The following LMOD2 variants were observed in gnomAD, a reference collection of about 807,000 sequenced individuals.
LMOD2 encodes leiomodin 2, also known as leiomodin-2.
LMOD2 carries 27 observed loss-of-function variants against 41.7 expected under a neutral mutation model. The observed-to-expected ratio is 0.65, with a 90% CI of 0.48 to 0.89. The LOEUF is 0.89. Ranked by LOEUF, LMOD2 falls within the 40% of genes least tolerant of loss-of-function variation. LMOD2 has a pLI of 0.00. For missense variants in LMOD2, 624 were observed against 667.9 expected (o/e 0.93, Z 0.72); for synonymous variants, 251 against 244.6 (o/e 1.03, Z -0.25).
chr7:123,663,242 G>A (rs779017277), intron 2 of LMOD2, 39 bp downstream of exon 2: 2 of 1,534,122 alleles, frequency 1.3e-6, no homozygotes, highest in South Asian at 2.5e-5. Flanking sequence ...CACAGATAAA[G>A]TAAATGAGTT....
chr7:123,663,180 A>T lies in LMOD2; in HGVS notation c.1594A>T (p.Ser532Cys). 1 of 1,569,552 alleles carries T rather than the reference A, an allele frequency of 6.4e-7. No individual in the cohort carries two copies. The highest frequency in any genetic ancestry group is 8.6e-7 in the Non-Finnish European group (1 of 1,157,138). ...HENLMEAIRGSSIKQLKRVEV... is the reference protein window; with the variant it reads ...HENLMEAIRGCSIKQLKRVEV... ...GAATCTCATGGAAGCAATTCGGGGA[A>T]GCAGCATAAAACAGCTAAAGCGGGT... The change falls in exon 2 of 3, where the codon AGC becomes TGC. Residue 532 changes from serine (S) to cysteine (C), a missense_variant. Ser to Cys is a moderately radical substitution (Grantham distance 112). Transcript: ENST00000458573.
chr7:123,658,057 C>G (rs970400578), intron 1 of LMOD2, among the ~76,000 whole-genome samples: 2 of 146,552 alleles, frequency 1.4e-5, no homozygotes, highest in Admixed American at 6.8e-5. Context: ...ACCAATGTAT[C>G]AATAATCCAA....
Position 123,656,192 on chromosome 7 carries a change from T to A in LMOD2, c.229T>A (p.Ser77Thr). 1 of 1,608,954 alleles carries A rather than the reference T, an allele frequency of 6.2e-7. No individual in the cohort carries two copies. The highest frequency in any genetic ancestry group is 8.5e-7 in the Non-Finnish European group (1 of 1,178,000). The change falls in exon 1 of 3, where the codon TCC becomes ACC. Residue 77 changes from serine (S) to threonine (T), a missense_variant. Ser to Thr is a moderately conservative substitution (Grantham distance 58, BLOSUM62 1). Coordinates refer to ENST00000458573, the MANE Select transcript of LMOD2 (RefSeq NM_207163.3). ...ACTGATGGCCTATTGGGAAAAGGAG[T>A]CCCAAAAACTCTTGGAGAAGGAGAG... The part of the protein sequence containing the change: ...EALMAYWEKE[S>T]QKLLEKERLG...
Position 123,662,099 on chromosome 7 carries a change from G to C in LMOD2, c.513G>C (p.Glu171Asp), listed in dbSNP as rs374125953. The C allele has an allele frequency of 1.8e-5, 29 of 1,610,840 alleles. No individual in the cohort carries two copies. The highest frequency in any genetic ancestry group is 2.5e-5 in the Non-Finnish European group (29 of 1,178,402). ...CAAAGATATTTAAAAGTCAAATAGAGAACATAAATTTGACCAATGGCAGCA... is the reference window on the plus strand; with the variant it reads ...CAAAGATATTTAAAAGTCAAATAGACAACATAAATTTGACCAATGGCAGCA... Reference protein sequence around the residue: ...SKPKIFKSQIENINLTNGSNG... With the variant: ...SKPKIFKSQIDNINLTNGSNG... The change falls in exon 2 of 3, where the codon GAG becomes GAC. Residue 171 changes from glutamate (E) to aspartate (D), a missense_variant. Physicochemically the swap from Glu to Asp is conservative, Grantham distance 45. Transcript: ENST00000458573. This position sits in a 1 kb window ranked among gnomAD's most constrained non-coding sequence, Gnocchi z 4.0.
In LMOD2 at chr7:123,664,132, C is replaced by T. The variant is rs1477830261; in HGVS notation, c.*387C>T. 4 of 177,842 alleles carry T rather than the reference C, an allele frequency of 2.2e-5. No homozygotes were observed. Among genetic ancestry groups the T allele is most frequent in the African/African-American group, 4.7e-5 (2 of 42,316 alleles). 11.0% of individuals were successfully genotyped at this position (177,842 alleles called of 1,614,324 possible). ...ACTAATATTTTTCTGTGACTTGATA[C>T]ATCTGTCAGATTTTTGTAATCTCGA... is the stretch of plus-strand genomic sequence containing the variant. On this transcript the variant is annotated 3_prime_UTR_variant, in exon 3 of 3. Transcript: ENST00000458573.
chr7:123,659,844 C>G (rs1802845141), intron 1 of LMOD2, among the ~76,000 whole-genome samples: 1 of 152,112 alleles, frequency 6.6e-6, no homozygotes, highest in Non-Finnish European at 1.5e-5. Flanking sequence ...CATTTAGATG[C>G]TATATGACAA....
intron 2 of LMOD2, 42 bp downstream of exon 2, chr7:123,663,245 A>C (rs1232999162): frequency 6.5e-7 from 1 of 1,532,022 alleles, no homozygotes; most frequent in Non-Finnish European, 8.8e-7. Context: ...AGATAAAGTA[A>C]ATGAGTTGTC....
Position 123,656,015 on chromosome 7 carries a change from G to C in LMOD2, c.52G>C (p.Glu18Gln). The change falls in exon 1 of 3, where the codon GAG becomes CAG. Residue 18 changes from glutamate (E) to glutamine (Q), a missense_variant. Glu to Gln is a conservative substitution (Grantham distance 29, BLOSUM62 2). Coordinates refer to ENST00000458573, the MANE Select transcript of LMOD2 (RefSeq NM_207163.3). ...ACTCAGTAAATACGAATCCATCGAC[G>C]AGGATGAACTCCTCGCCTCCCTGTC... ...RGLSKYESID[E>Q]DELLASLSAE... The C allele has an allele frequency of 6.2e-7, 1 of 1,610,026 alleles. No individual in the cohort carries two copies. The highest frequency in any genetic ancestry group is 8.5e-7 in the Non-Finnish European group (1 of 1,178,304).
rs769420883 is a variant in LMOD2, at chr7:123,662,452, T to C, written c.866T>C (p.Met289Thr). The change falls in exon 2 of 3, where the codon ATG becomes ACG. Residue 289 changes from methionine to threonine, a missense_variant. Physicochemically the swap from Met to Thr is moderately conservative, Grantham distance 81. Transcript: ENST00000458573. This position sits in a 1 kb window ranked among gnomAD's most constrained non-coding sequence, Gnocchi z 4.0. ...ACGGGAAAGGGGATCCTGGCCATCATGAGAGCTCTCCAGCACAACACGGTG... is the reference window on the plus strand; with the variant it reads ...ACGGGAAAGGGGATCCTGGCCATCACGAGAGCTCTCCAGCACAACACGGTG... ...FITGKGILAI[M>T]RALQHNTVLT... 13 of 1,613,930 alleles carry C rather than the reference T, an allele frequency of 8.1e-6. No homozygotes were observed. The highest frequency in any genetic ancestry group is 1.0e-5 in the Non-Finnish European group (12 of 1,179,878).
Position 123,656,142 on chromosome 7 carries a change from C to T in LMOD2, c.179C>T (p.Pro60Leu), listed in dbSNP as rs759344951. The change falls in exon 1 of 3, where the codon CCC (proline) becomes CTC (leucine). Residue 60 changes from proline to leucine, a missense_variant. Transcript: ENST00000458573. ...LRQKSLTEKT[P>L]TGTFSREALM... Reference sequence around the variant, plus strand: ...CAAAAGAGCCTGACAGAGAAAACCCCCACAGGGACATTCAGCAGAGAGGCA... The same window carrying T: ...CAAAAGAGCCTGACAGAGAAAACCCTCACAGGGACATTCAGCAGAGAGGCA... 1.6e-5 allele frequency: 25 copies of T among 1,609,764 alleles called. No homozygotes were observed. Among genetic ancestry groups the T allele is most frequent in the Non-Finnish European group, 2.0e-5 (24 of 1,178,210 alleles).
chr7:123,660,307 C>CCT lies in LMOD2; in HGVS notation c.274-1537_274-1536dup, dbSNP rs748951399. On this transcript the variant is annotated intron_variant, in intron 1 of 2. Coordinates refer to ENST00000458573, the MANE Select transcript of LMOD2 (RefSeq NM_207163.3). ...CTCTTTCTCTCTCTCTCTCTCTCTCCCTCTCTCTCTCTCTCTCACACACAC... is the reference window on the plus strand; with the variant it reads ...CTCTTTCTCTCTCTCTCTCTCTCTCCCTCTCTCTCTCTCTCTCTCACACACAC... 8.3e-3 allele frequency among the ~76,000 whole-genome samples: 918 copies of CCT among 111,104 alleles called. 10 individuals carry two copies. Among genetic ancestry groups the CCT allele is most frequent in the Middle Eastern group, 0.022 (5 of 228 alleles). 72.9% of individuals were successfully genotyped at this position (111,104 alleles called of 152,430 possible).
In LMOD2 at chr7:123,662,510, C is replaced by A. The variant is rs1454505382; in HGVS notation, c.924C>A (p.His308Gln). The A allele has an allele frequency of 4.3e-6, 7 of 1,613,676 alleles. No individual in the cohort carries two copies. The highest frequency in any genetic ancestry group is 4.0e-5 in the African/African-American group (3 of 74,824). ...AGCTGCGTTTCCATAACCAGAGGCACATCATGGGCAGCCAGGTGGAAATGG... is the reference window on the plus strand; with the variant it reads ...AGCTGCGTTTCCATAACCAGAGGCAAATCATGGGCAGCCAGGTGGAAATGG... ...LTELRFHNQR[H>Q]IMGSQVEMEI... The change falls in exon 2 of 3, where the codon CAC becomes CAA. Residue 308 changes from histidine to glutamine, a missense_variant. Physicochemically the swap from His to Gln is conservative, Grantham distance 24 (BLOSUM62 0). Transcript: ENST00000458573. This position sits in a 1 kb window ranked among gnomAD's most constrained non-coding sequence, Gnocchi z 4.0.
chr7:123,661,878 G>T lies in LMOD2; in HGVS notation c.292G>T (p.Glu98Ter). ...TCTTTAGGTTGCAGAAGACAAAGAG[G>T]AAAGTGAAGAAGAGCTTATCTTTAC... ...ECGKVAEDKE[E>*]SEEELIFTES... The change falls in exon 2 of 3, where the codon GAA (glutamate) becomes TAA (stop). Residue 98 changes from glutamate to a stop codon, truncating the protein, a stop_gained. Coordinates refer to ENST00000458573, the MANE Select transcript of LMOD2 (RefSeq NM_207163.3). LOFTEE classifies it high-confidence loss of function. The T allele has an allele frequency of 6.5e-7, 1 of 1,527,092 alleles. No individual in the cohort carries two copies. Among genetic ancestry groups the T allele is most frequent in the Non-Finnish European group, 8.8e-7 (1 of 1,136,320 alleles). The allele number at this position is 1,527,092 out of a possible 1,614,324, so 94.6% of individuals were successfully genotyped here.
In LMOD2 at chr7:123,662,249, T is replaced by A; in HGVS notation, c.663T>A (p.Ile221=). The change falls in exon 2 of 3, where the codon ATT becomes ATA. Residue 221 remains isoleucine, a synonymous_variant. Transcript: ENST00000458573. The surrounding 1 kb of genome is among the most constrained non-coding windows in gnomAD (Gnocchi z 4.0). ...PDTTEVNLNN[I]ENITTQTLTR... Reference sequence around the variant, plus strand: ...CCACAGAAGTCAATTTGAACAACATTGAGAACATCACAACACAGACCCTTA... The same window carrying A: ...CCACAGAAGTCAATTTGAACAACATAGAGAACATCACAACACAGACCCTTA... 1.2e-6 allele frequency: 2 copies of A among 1,613,932 alleles called. No individual in the cohort carries two copies. Among genetic ancestry groups the A allele is most frequent in the Non-Finnish European group, 1.7e-6 (2 of 1,179,878 alleles).
intron 1 of LMOD2, among the ~76,000 whole-genome samples, chr7:123,659,335 C>T (rs932940880): frequency 6.6e-5 from 10 of 152,146 alleles, no homozygotes; most frequent in Admixed American, 5.9e-4. Flanking sequence ...AAAACAGGCC[C>T]CCTAGGGACA....
Position 123,662,389 on chromosome 7 carries a change from A to G in LMOD2, c.803A>G (p.Glu268Gly). The G allele has an allele frequency of 1.2e-6, 2 of 1,614,002 alleles. No homozygotes were observed. The highest frequency in any genetic ancestry group is 1.7e-6 in the Non-Finnish European group (2 of 1,179,890). Residue 268 changes from glutamate to glycine, a missense_variant, in exon 2 of 3, where the codon GAG becomes GGG. Coordinates refer to ENST00000458573, the MANE Select transcript of LMOD2 (RefSeq NM_207163.3). This position sits in a 1 kb window ranked among gnomAD's most constrained non-coding sequence, Gnocchi z 4.0. ...ATTGCAGAGATGCTCAAAGTCAATG[A>G]GCACATCACCAACGTAAACGTCGAG... Reference protein sequence around the residue: ...MAIAEMLKVNEHITNVNVESN... With the variant: ...MAIAEMLKVNGHITNVNVESN...
In LMOD2 at chr7:123,658,860, C is replaced by T. The variant is rs147821409; in HGVS notation, c.273+2624C>T. Among the ~76,000 whole-genome samples, 274 of 152,274 alleles carry T rather than the reference C, an allele frequency of 1.8e-3. 2 individuals carry two copies. The East Asian group carries it at 0.034, about 19-fold the overall frequency. Reference sequence around the variant, plus strand: ...TCCCGTCAATCTGATGAATGATAAACTCTGGGGATGGGGCCCAACAATTGG... The same window carrying T: ...TCCCGTCAATCTGATGAATGATAAATTCTGGGGATGGGGCCCAACAATTGG... On this transcript the variant is annotated intron_variant, in intron 1 of 2. Transcript: ENST00000458573.
chr7:123,662,113 CCAATGGCAG>C lies in LMOD2; in HGVS notation c.534_542del (p.Ser179_Gly181del). On this transcript the variant is annotated inframe_deletion, in exon 2 of 3. Coordinates refer to ENST00000458573, the MANE Select transcript of LMOD2 (RefSeq NM_207163.3). The surrounding 1 kb of genome is among the most constrained non-coding windows in gnomAD (Gnocchi z 4.0). ...AGTCAAATAGAGAACATAAATTTGACCAATGGCAGCAATGGGAGGAACACAGAGTCCCCA... is the reference window on the plus strand; with the variant it reads ...AGTCAAATAGAGAACATAAATTTGACCAATGGGAGGAACACAGAGTCCCCA... 6.2e-7 allele frequency: 1 copy of C among 1,612,412 alleles called. No individual in the cohort carries two copies. The highest frequency in any genetic ancestry group is 8.5e-7 in the Non-Finnish European group (1 of 1,179,138).
chr7:123,658,772 T>C (rs2116733892), intron 1 of LMOD2, among the ~76,000 whole-genome samples: 1 of 152,350 alleles, frequency 6.6e-6, no homozygotes. Context: ...TTCAAAATTG[T>C]GGGTGCCCGG....
Sources: allele counts gnomAD v4.1 joint callset (sites outside exome capture counted in the v4.1 genomes callset), GRCh38; gene constraint gnomAD v4.1.1; non-coding constraint Gnocchi (gnomAD v3.1); transcripts MANE v1.5; gene names NCBI Gene and HGNC (gene_info 2026-07-23, HGNC 2026-07-21).